Variants in MON2 observed in about 807,000 individuals in gnomAD.
MON2 encodes the protein protein MON2 homolog.
MON2 carries 84 observed loss-of-function variants against 208.6 expected under a neutral mutation model. The ratio of observed to expected loss-of-function variants is 0.40; its 90% CI spans 0.34 to 0.48. MON2 has a LOEUF of 0.48. MON2 is among the 20% of genes least tolerant of loss of function. The pLI is 0.59. For synonymous variants in MON2, 660 were observed against 694.0 expected (o/e 0.95, Z 0.77); for missense variants, 1,611 against 2,015.4 (o/e 0.80, Z 3.84).
At chr12:62,583,326 C>G (rs2075070402) in intron 32 of MON2, among the ~76,000 whole-genome samples, 1 of 151,982 alleles carries the variant, frequency 6.6e-6, no homozygotes, top group Non-Finnish European at 1.5e-5. Context: ...ACTAGAGACT[C>G]TGTCTCAAAA....
intron 7 of MON2, among the ~76,000 whole-genome samples, chr12:62,502,989 A>G (rs1361005554): frequency 6.6e-6 from 1 of 152,234 alleles, no homozygotes; most frequent in African/African-American, 2.4e-5. Flanking sequence ...GGCGAGCAGT[A>G]TATACACTGA....
intron 27 of MON2, 118 bp from the exon 28 acceptor site, chr12:62,565,896 C>T (rs2074366455): frequency 2.4e-6 from 2 of 846,446 alleles, no homozygotes; most frequent in Non-Finnish European, 3.6e-6. Context: ...AATGCATGCC[C>T]ATGCTGATTT....
chr12:62,544,260 C>T (rs2073376768), intron 20 of MON2, among the ~76,000 whole-genome samples: 1 of 152,030 alleles, frequency 6.6e-6, no homozygotes, highest in South Asian at 2.1e-4. Flanking sequence ...GCCTGGGCAA[C>T]ATAGGGAGAC....
chr12:62,568,112 C>T (rs1472945272), intron 29 of MON2, among the ~76,000 whole-genome samples: 2 of 152,070 alleles, frequency 1.3e-5, no homozygotes, highest in Non-Finnish European at 2.9e-5. Flanking sequence ...AGAGATGACA[C>T]TTGAAAAAGT....
chr12:62,590,307 G>A (rs761922851), intron 34 of MON2, among the ~76,000 whole-genome samples: 2 of 152,044 alleles, frequency 1.3e-5, no homozygotes, highest in Non-Finnish European at 2.9e-5. Flanking sequence ...TGGCCAGGCT[G>A]GTCTGATACT....
intron 8 of MON2, among the ~76,000 whole-genome samples, chr12:62,523,343 T>C (rs2072161674): frequency 6.6e-6 from 1 of 152,206 alleles, no homozygotes. Context: ...TTTCATCCTT[T>C]ATTTATAAGA....
intron 2 of MON2, among the ~76,000 whole-genome samples, chr12:62,487,152 C>G (rs1210737527): frequency 6.6e-6 from 1 of 151,978 alleles, no homozygotes. Context: ...ATGTACAGAT[C>G]ATTATTTCAA....
At chr12:62,591,285 C>A (rs1187152850) in intron 34 of MON2, among the ~76,000 whole-genome samples, 1 of 152,178 alleles carries the variant, frequency 6.6e-6, no homozygotes, top group Non-Finnish European at 1.5e-5. Flanking sequence ...CAGAACAGCT[C>A]CAGCCTGACT....
intron 13 of MON2, 149 bp downstream of exon 13, chr12:62,535,075 C>T (rs1250095111): frequency 1.7e-6 from 1 of 606,010 alleles, no homozygotes; most frequent in East Asian, 3.0e-5. Flanking sequence ...ATCCCCCTTC[C>T]TCATTCTGTC....
intron 34 of MON2, chr12:62,589,032 AGATTTTTGAGGG>A: frequency 1.8e-6 from 1 of 561,204 alleles, no homozygotes; most frequent in Non-Finnish European, 2.9e-6. Flanking sequence ...TACATTGTTA[AGATTTTTGAGGG>A]GCTTTTCAGA....
intron 20 of MON2, 95 bp downstream of exon 20, chr12:62,543,293 CT>C (rs953710614): frequency 3.4e-5 from 20 of 588,474 alleles, no homozygotes; most frequent in South Asian, 8.4e-5. Context: ...TCAGCATTAA[CT>C]TTTTTTCCCC....
intron 3 of MON2, 116 bp downstream of exon 3, chr12:62,494,158 C>A: frequency 1.1e-6 from 1 of 925,764 alleles, no homozygotes; most frequent in Non-Finnish European, 1.5e-6. Flanking sequence ...GCAATGTGCT[C>A]GGAGAAAATG....
rs1219718983 is a variant in MON2 at position 62,565,326 on chromosome 12, T to C, written c.4122T>C (p.Pro1374=). 6.2e-7 allele frequency: 1 copy of C among 1,612,850 alleles called. No homozygotes were observed. The highest frequency in any genetic ancestry group is 8.5e-7 in the Non-Finnish European group (1 of 1,179,174). The stretch of plus-strand genomic sequence containing the variant: ...CATTTGTAGAATTTTCCTGTAAACC[T>C]CCACAGTATGGACAGCTGGAAACAA... ...LLAFVEFSCK[P]PQYGQLETKH... Residue 1374 remains proline, a synonymous_variant, in exon 27 of 35, where the codon CCT becomes CCC. Transcript: ENST00000393630.
intron 25 of MON2, among the ~76,000 whole-genome samples, chr12:62,557,746 CTGA>C (rs1424999344): frequency 6.6e-6 from 1 of 151,040 alleles, no homozygotes; most frequent in African/African-American, 2.4e-5. Flanking sequence ...TTTATGGTGT[CTGA>C]TCCATTTAGC....
At chr12:62,503,708 T>C (rs2070956182) in intron 7 of MON2, among the ~76,000 whole-genome samples, 1 of 152,182 alleles carries the variant, frequency 6.6e-6, no homozygotes, top group Non-Finnish European at 1.5e-5. Context: ...ACACTGTCCT[T>C]CTTGTTGTTT....
chr12:62,565,105 G>T, intron 26 of MON2, 132 bp from the exon 27 acceptor site: 1 of 833,852 alleles, frequency 1.2e-6, no homozygotes, highest in Admixed American at 2.6e-5. Flanking sequence ...GTCCTTTAGG[G>T]CTCAGAAAAG....
At chr12:62,498,084 A>G (rs1452571789) in intron 4 of MON2, among the ~76,000 whole-genome samples, 1 of 152,084 alleles carries the variant, frequency 6.6e-6, no homozygotes, top group South Asian at 2.1e-4. Context: ...GAACCTGGAA[A>G]ATTCACCAGC....
rs1338616195 is a variant in MON2 at position 62,594,147 on chromosome 12, T to C, written c.*1398T>C. 6.6e-6 allele frequency: 1 copy of C among 152,164 alleles called. No individual in the cohort carries two copies. The highest frequency in any genetic ancestry group is 1.5e-5 in the Non-Finnish European group (1 of 67,982). 9.4% of individuals were successfully genotyped at this position (152,164 alleles called of 1,614,324 possible). A position where few individuals can be genotyped will look rare whatever the true frequency, so the allele number is the denominator to read the frequency against. ...ACAAAGATGTTTAAAACAATGATTA[T>C]TCATAAGAAATCATGATGGTCTCAG... On this transcript the variant is annotated 3_prime_UTR_variant, in exon 35 of 35. Coordinates refer to ENST00000393630, the MANE Select transcript of MON2 (RefSeq NM_015026.3).
At chr12:62,507,723 TTTAAAC>T (rs1336251705) in intron 7 of MON2, among the ~76,000 whole-genome samples, 1 of 152,184 alleles carries the variant, frequency 6.6e-6, no homozygotes, top group Non-Finnish European at 1.5e-5. Flanking sequence ...AAATGTTCCT[TTTAAAC>T]TTATATTCTT....
Sources: gnomAD v4.1 joint callset for allele counts (sites outside exome capture counted in the v4.1 genomes callset) on GRCh38, gnomAD v4.1.1 for gene constraint, MANE v1.5 for transcripts, NCBI Gene and HGNC (gene_info 2026-07-23, HGNC 2026-07-21) for gene names.